The following FAM81A variants were observed in gnomAD, a reference collection of about 807,000 sequenced individuals.
FAM81A encodes the protein family with sequence similarity 81 member A, also known as protein FAM81A.
In FAM81A, 19 loss-of-function variants were observed where a neutral mutation model predicts 46.7. That is an observed-to-expected ratio of 0.41 (90% CI 0.28 to 0.60). FAM81A has a LOEUF of 0.60. Ranked by LOEUF, FAM81A falls within the 20% of genes least tolerant of loss-of-function variation. The pLI is 0.34. For missense variants in FAM81A, 377 were observed against 453.5 expected, an observed-to-expected ratio of 0.83 and a Z score of 1.53; for synonymous variants, 183 against 152.9, an observed-to-expected ratio of 1.20 and a Z score of -1.45.
intron 2 of FAM81A, among the ~76,000 whole-genome samples, chr15:59,418,032 T>C (rs185490859): frequency 7.8e-4 from 119 of 152,356 alleles, no homozygotes; most frequent in African/African-American, 2.7e-3. Flanking sequence ...TTTGGTTTTC[T>C]GTCCTTGTGA....
intron 2 of FAM81A, among the ~76,000 whole-genome samples, chr15:59,423,652 C>A (rs1408851551): frequency 1.3e-5 from 2 of 152,090 alleles, no homozygotes; most frequent in African/African-American, 4.8e-5. Flanking sequence ...TACACATAAA[C>A]TCAAGGTTAA....
Position 59,488,041 on chromosome 15 carries a change from A to G in FAM81A, c.295-4230A>G, listed in dbSNP as rs1388580003. Among the ~76,000 whole-genome samples, 7 of 152,212 alleles carry G rather than the reference A, an allele frequency of 4.6e-5. No homozygotes were observed. The East Asian group carries it at 1.3e-3, about 29-fold the overall frequency. On this transcript the variant is annotated intron_variant, in intron 3 of 8. Transcript: ENST00000288228. Reference sequence around the variant, plus strand: ...CCTCAACAAAATACTGGGAAACTGAATTCAGCAACATGTTAAAAAGATCAT... The same window carrying G: ...CCTCAACAAAATACTGGGAAACTGAGTTCAGCAACATGTTAAAAAGATCAT...
chr15:59,399,515 T>A (rs866933048), intron 1 of FAM81A, among the ~76,000 whole-genome samples: 1 of 152,054 alleles, frequency 6.6e-6, no homozygotes, highest in Admixed American at 6.5e-5. Context: ...CAGAAAGATA[T>A]GGTATCTGAG....
At chr15:59,499,273 C>T (rs1012745164) in intron 4 of FAM81A, among the ~76,000 whole-genome samples, 3 of 151,914 alleles carry the variant, frequency 2.0e-5, no homozygotes, top group Non-Finnish European at 4.4e-5. Context: ...GAAATGACAC[C>T]ATCTGTTGTC....
chr15:59,478,344 C>T (rs1167772119), intron 3 of FAM81A, among the ~76,000 whole-genome samples: 4 of 152,190 alleles, frequency 2.6e-5, no homozygotes, highest in Admixed American at 6.5e-5. Flanking sequence ...ATATATCATA[C>T]GTAGTTTGCT....
chr15:59,421,441 A>G (rs1041652908), intron 2 of FAM81A, among the ~76,000 whole-genome samples: 1 of 152,130 alleles, frequency 6.6e-6, no homozygotes, highest in African/African-American at 2.4e-5. Context: ...GCAGGAGCGT[A>G]TATACGACGG....
intron 3 of FAM81A, among the ~76,000 whole-genome samples, chr15:59,465,218 A>G (rs2141659550): frequency 6.6e-6 from 1 of 152,224 alleles, no homozygotes; most frequent in African/African-American, 2.4e-5. Context: ...TACTACAGCT[A>G]TGTAGTATAT....
At chr15:59,413,413 A>G (rs575295300) in intron 2 of FAM81A, among the ~76,000 whole-genome samples, 1 of 124,052 alleles carries the variant, frequency 8.1e-6, no homozygotes, top group East Asian at 2.5e-4. Flanking sequence ...GGTTGAGAGC[A>G]TTAAACACAC....
At chr15:59,472,486 A>T (rs1275256074) in intron 3 of FAM81A, among the ~76,000 whole-genome samples, 1 of 152,040 alleles carries the variant, frequency 6.6e-6, no homozygotes, top group African/African-American at 2.4e-5. Flanking sequence ...GACCTCAGGA[A>T]ATACTCTTTG....
chr15:59,490,685 A>T (rs549270204), intron 3 of FAM81A, among the ~76,000 whole-genome samples: 5 of 152,076 alleles, frequency 3.3e-5, no homozygotes, highest in Non-Finnish European at 5.9e-5. Flanking sequence ...TACAAAAAAA[A>T]TTTAGCCTGG....
chr15:59,458,769 G>GC, intron 2 of FAM81A, 123 bp downstream of exon 2: 1 of 871,180 alleles, frequency 1.1e-6, no homozygotes, highest in Non-Finnish European at 1.9e-6. Flanking sequence ...AAACACTATT[G>GC]TGTCCTCTAG....
Position 59,514,316 on chromosome 15 carries a change from T to G in FAM81A, c.678T>G (p.Ser226Arg). 1.9e-6 allele frequency: 3 copies of G among 1,610,874 alleles called. No homozygotes were observed. The highest frequency in any genetic ancestry group is 2.5e-6 in the Non-Finnish European group (3 of 1,178,712). The part of the protein sequence containing the change: ...TKFKGTVEEL[S>R]NQILSARSWL... ...TTAAAGGTACAGTTGAGGAACTCAG[T>G]AACCAGATATTATCTGCACGGAGTT... Residue 226 changes from serine (S) to arginine (R), a missense_variant, in exon 7 of 9, where the codon AGT (serine) becomes AGG (arginine). Transcript: ENST00000288228.
chr15:59,416,077 A>G (rs2081145532), intron 2 of FAM81A, among the ~76,000 whole-genome samples: 1 of 152,230 alleles, frequency 6.6e-6, no homozygotes, highest in Non-Finnish European at 1.5e-5. Context: ...TGGAAAGAGC[A>G]CTATAATGAA....
chr15:59,479,519 G>GAT (rs1664293492), intron 3 of FAM81A, among the ~76,000 whole-genome samples: 1 of 72,676 alleles, frequency 1.4e-5, no homozygotes, highest in South Asian at 5.4e-4. Context: ...TCAAAAATAA[G>GAT]AAAAAAAAAA....
chr15:59,401,725 G>A, intron 1 of FAM81A: 1 of 773,930 alleles, frequency 1.3e-6, no homozygotes, highest in Non-Finnish European at 2.4e-6. Flanking sequence ...GTCCCTCTCT[G>A]TCCAGCAGAT....
At chr15:59,435,522 A>G (rs1236933000), upstream of FAM81A, among the ~76,000 whole-genome samples, 1 of 152,100 alleles carries the variant, frequency 6.6e-6, no homozygotes, top group African/African-American at 2.4e-5. Flanking sequence ...CGGGAAGCTG[A>G]GACAGGAGAA....
chr15:59,474,027 A>G (rs1425643761), intron 3 of FAM81A, among the ~76,000 whole-genome samples: 2 of 152,166 alleles, frequency 1.3e-5, no homozygotes. Context: ...CACTGATGCT[A>G]TTTAACAGTT....
intron 5 of FAM81A, among the ~76,000 whole-genome samples, chr15:59,508,161 C>T (rs538561654): frequency 1.1e-4 from 16 of 152,172 alleles, no homozygotes; most frequent in African/African-American, 2.9e-4. Flanking sequence ...GGAATTACTA[C>T]ACCAGAGAAG....
chr15:59,502,104 A>AT (rs1285074369), intron 4 of FAM81A, among the ~76,000 whole-genome samples: 1 of 150,452 alleles, frequency 6.6e-6, no homozygotes, highest in African/African-American at 2.4e-5. Context: ...CATGCATGTA[A>AT]TTTTTTTCTG....
Sources: allele counts gnomAD v4.1 joint callset (sites outside exome capture counted in the v4.1 genomes callset), GRCh38; gene constraint gnomAD v4.1.1; transcripts MANE v1.5; gene names NCBI Gene and HGNC (gene_info 2026-07-23, HGNC 2026-07-21).